NEB: variants seen among roughly 807,000 people sequenced by gnomAD.
The protein encoded by NEB is nebulin.
A neutral mutation model predicts 952.2 loss-of-function variants in NEB; 512 were observed. The ratio of observed to expected loss-of-function variants is 0.54; its 90% CI spans 0.50 to 0.58. NEB has a LOEUF of 0.58. Ranked by LOEUF, NEB falls within the 20% of genes least tolerant of loss-of-function variation. NEB has a pLI of 0.00. For synonymous variants in NEB, 2,900 were observed against 3,149.8 expected (o/e 0.92, Z 2.66); for missense variants, 8,428 against 9,231.1 (o/e 0.91, Z 3.56).
At position 151,610,584 on chromosome 2, in the gene NEB, C is replaced by A. The variant is rs771674212; in HGVS notation, c.11950G>T (p.Asp3984Tyr). Residue 3984 changes from aspartate to tyrosine, a missense_variant, in exon 80 of 182, where the codon GAC becomes TAC. Asp to Tyr is a radical substitution (Grantham distance 160, BLOSUM62 -3). Transcript: ENST00000397345. Reference sequence around the variant, plus strand: ...ATAGCATCTGCTCTCAGATCATAGTCCTTCATCTTTGATTCATCCCATCCC... The same window carrying A: ...ATAGCATCTGCTCTCAGATCATAGTACTTCATCTTTGATTCATCCCATCCC... ...TKGWDESKMKDYDLRADAISI... is the reference protein window; with the variant it reads ...TKGWDESKMKYYDLRADAISI... 6.2e-7 allele frequency: 1 copy of A among 1,613,746 alleles called. No homozygotes were observed. The highest frequency in any genetic ancestry group is 8.5e-7 in the Non-Finnish European group (1 of 1,179,664).
rs761918216 is a variant in NEB, at chr2:151,492,413, T to G, written c.24847A>C (p.Arg8283=). The G allele has an allele frequency of 1.9e-6, 3 of 1,609,134 alleles. No individual in the cohort carries two copies. Among genetic ancestry groups the G allele is most frequent in the Non-Finnish European group, 2.5e-6 (3 of 1,177,648 alleles). The change falls in exon 177 of 182, where the codon AGG becomes CGG. Residue 8283 remains arginine, a synonymous_variant. Transcript: ENST00000397345. ...GTTGAGATGTGCCGTTGGGTCTCCC[T>G]CACCCGTCTCATCTCGGGGGTATCC... ...VLDTPEMRRV[R]ETQRHISTVK...
chr2:151,526,970 G>C lies in NEB; in HGVS notation c.21893C>G (p.Thr7298Ser). The C allele has an allele frequency of 6.2e-7, 1 of 1,604,714 alleles. No homozygotes were observed. Among genetic ancestry groups the C allele is most frequent in the African/African-American group, 1.3e-5 (1 of 74,964 alleles). ...EFLKGCKLSV[T>S]DDKNTVLALR... is the part of the protein sequence containing the mutation. Reference sequence around the variant, plus strand: ...GGCGAGCACCGTGTTTTTGTCATCAGTGACAGAAAGCTTGCAACCCTTGAG... The same window carrying C: ...GGCGAGCACCGTGTTTTTGTCATCACTGACAGAAAGCTTGCAACCCTTGAG... Residue 7298 changes from threonine to serine, a missense_variant, in exon 148 of 182, where the codon ACT (threonine) becomes AGT (serine). Thr to Ser is a moderately conservative substitution (Grantham distance 58). Coordinates refer to ENST00000397345, the MANE Select transcript of NEB (RefSeq NM_001164508.2).
intron 70 of NEB, among the ~76,000 whole-genome samples, chr2:151,626,154 C>A (rs183754353): frequency 6.6e-6 from 1 of 151,484 alleles, no homozygotes; most frequent in Non-Finnish European, 1.5e-5. Context: ...CACTCTCTTG[C>A]CCAGGCTGGA....
intron 131 of NEB, 55 bp downstream of exon 131, chr2:151,548,253 A>C (rs2094948298): frequency 6.5e-6 from 9 of 1,391,366 alleles, no homozygotes; most frequent in Non-Finnish European, 3.1e-6. Flanking sequence ...CATTTCAAAC[A>C]AAGCCATGGC....
At chr2:151,695,707 G>T (rs756899490) in intron 17 of NEB, 25 bp from the exon 18 acceptor site, 11 of 1,519,818 alleles carry the variant, frequency 7.2e-6, no homozygotes, top group Non-Finnish European at 9.1e-6. Context: ...GAACCAATTA[G>T]TTCAGAAGAA....
chr2:151,519,197 C>G (rs1271585585), intron 154 of NEB, 128 bp from the exon 155 acceptor site: 3 of 703,330 alleles, frequency 4.3e-6, no homozygotes, highest in Non-Finnish European at 7.6e-6. Context: ...ATACCTCATT[C>G]ATAGTAGCCA....
intron 60 of NEB, among the ~76,000 whole-genome samples, chr2:151,642,115 A>G (rs1020302642): frequency 6.6e-6 from 1 of 152,242 alleles, no homozygotes; most frequent in East Asian, 1.9e-4. Flanking sequence ...TAAAGAAAGC[A>G]AATATTTGTA....
At chr2:151,682,895 G>A in intron 28 of NEB, 126 bp from the exon 29 acceptor site, 1 of 753,190 alleles carries the variant, frequency 1.3e-6, no homozygotes, top group Non-Finnish European at 2.1e-6. Flanking sequence ...AGACATTAAG[G>A]TTATTTTATA....
rs2099060105 is a variant in NEB at position 151,654,089 on chromosome 2, T to G, written c.6818A>C (p.Lys2273Thr). 1 of 1,598,980 alleles carries G rather than the reference T, an allele frequency of 6.3e-7. No homozygotes were observed. The highest frequency in any genetic ancestry group is 1.3e-5 in the African/African-American group (1 of 74,090). Reference sequence around the variant, plus strand: ...CTTCAAAGCTTCTTCCCATCCAAGTTTATAGAGTTTCTGAAAATTAAAGAT... The same window carrying G: ...CTTCAAAGCTTCTTCCCATCCAAGTGTATAGAGTTTCTGAAAATTAAAGAT... ...NQTLYSQKLY[K>T]LGWEEALKKG... The change falls in exon 52 of 182, where the codon AAA becomes ACA. Residue 2273 changes from lysine (K) to threonine (T), a missense_variant. Lys to Thr is a moderately conservative substitution (Grantham distance 78). Transcript: ENST00000397345.
chr2:151,548,433 G>A lies in NEB; in HGVS notation c.20050-18C>T. The A allele has an allele frequency of 6.7e-7, 1 of 1,499,864 alleles. No individual in the cohort carries two copies. 92.9% of individuals were successfully genotyped at this position (1,499,864 alleles called of 1,614,324 possible). ...TACTTGAACTGCAAAAGCAAAGTCA[G>A]AATGAGATCAATGATGGGTAAACAA... On this transcript the variant is annotated intron_variant, in intron 130 of 181. Transcript: ENST00000397345.
At chr2:151,625,410 T>C in intron 71 of NEB, 124 bp downstream of exon 71, 1 of 579,142 alleles carries the variant, frequency 1.7e-6, no homozygotes, top group Non-Finnish European at 2.9e-6. Flanking sequence ...CAAGGTAGGG[T>C]AAATGGCATA....
In NEB at chr2:151,637,306, A is replaced by C. The variant is rs529570242; in HGVS notation, c.8995-972T>G. 2.6e-5 allele frequency among the ~76,000 whole-genome samples: 4 copies of C among 152,298 alleles called. No homozygotes were observed. The South Asian group carries it at 8.3e-4, about 32-fold the overall frequency. On this transcript the variant is annotated intron_variant, in intron 63 of 181. Coordinates refer to ENST00000397345, the MANE Select transcript of NEB (RefSeq NM_001164508.2). ...AGTTTCAGTAGACTAAGGTGGCATC[A>C]AGTGCAGAGGAAATCACGTGAATCA...
At position 151,490,254 on chromosome 2, in the gene NEB, C is replaced by T. The variant is rs1012504822; in HGVS notation, c.25297+118G>A. On this transcript the variant is annotated intron_variant, in intron 180 of 181. Transcript: ENST00000397345. ...GCCCTCCACAATTCTAGTCTTTTCT[C>T]ATTAAAGGAAAGGATGAAAAATTTT... 5.3e-6 allele frequency: 7 copies of T among 1,326,016 alleles called. No homozygotes were observed. The Admixed American group carries it at 1.5e-4, about 28-fold the overall frequency. The allele number at this position is 1,326,016 out of a possible 1,614,324, so 82.1% of individuals were successfully genotyped here.
At chr2:151,570,474 A>G (rs1326959690) in intron 108 of NEB, 23 bp downstream of exon 108, 2 of 1,575,748 alleles carry the variant, frequency 1.3e-6, no homozygotes, top group Non-Finnish European at 8.6e-7. Context: ...AAAAAAACTG[A>G]GAAGTTAAAA....
At position 151,619,446 on chromosome 2, in the gene NEB, C is replaced by G. The variant is rs747230349; in HGVS notation, c.10872+5G>C. 1.3e-6 allele frequency: 2 copies of G among 1,586,316 alleles called. No homozygotes were observed. On this transcript the variant is annotated splice_donor_5th_base_variant and intron_variant, in intron 73 of 181. Coordinates refer to ENST00000397345, the MANE Select transcript of NEB (RefSeq NM_001164508.2). ...ACATGCAGAGCTAACATCAAGGAAA[C>G]TTACGTCACTCTGGAGGTCATAGGC...
rs574103523 is a variant in NEB at position 151,542,078 on chromosome 2, A to T, written c.20578-527T>A. On this transcript the variant is annotated intron_variant, in intron 135 of 181. Coordinates refer to ENST00000397345, the MANE Select transcript of NEB (RefSeq NM_001164508.2). ...CATCAGTGAAGTCACACTCATTGAGACTACCAAGAACTTCATGATTGCCAT... is the reference window on the plus strand; with the variant it reads ...CATCAGTGAAGTCACACTCATTGAGTCTACCAAGAACTTCATGATTGCCAT... Among the ~76,000 whole-genome samples the T allele has an allele frequency of 2.5e-4, 38 of 152,312 alleles. 1 individual carries two copies. Among genetic ancestry groups the T allele is most frequent in the Middle Eastern group, 3.4e-3 (1 of 294 alleles).
chr2:151,554,281 C>T (rs576645878), intron 125 of NEB, among the ~76,000 whole-genome samples: 3 of 152,238 alleles, frequency 2.0e-5, no homozygotes, highest in African/African-American at 7.2e-5. Context: ...AATGTTCAGG[C>T]TGGGCATGAT....
intron 83 of NEB, 123 bp downstream of exon 83, chr2:151,607,381 G>C: frequency 2.1e-6 from 1 of 467,116 alleles, no homozygotes; most frequent in East Asian, 4.8e-5. Context: ...TAGCTAAAGA[G>C]AAAATGTCTA....
At position 151,674,505 on chromosome 2, in the gene NEB, G is replaced by A; in HGVS notation, c.3959C>T (p.Ala1320Val). The change falls in exon 36 of 182, where the codon GCC (alanine) becomes GTC (valine). Residue 1320 changes from alanine to valine, a missense_variant. Ala to Val is a moderately conservative substitution (Grantham distance 64, BLOSUM62 0). Around this residue, in one of 11 missense-constraint regions of NEB, gnomAD observed 2,851 missense variants for 2,791.5 expected, o/e 1.02. Coordinates refer to ENST00000397345, the MANE Select transcript of NEB (RefSeq NM_001164508.2). ...VLGDAIPITA[A>V]KASRNIASDY... ...ACTGGCAATGTTTCTCGATGCCTTG[G>A]CTGCAGTGATGGGAATAGCATCGCC... The A allele has an allele frequency of 1.2e-6, 2 of 1,613,932 alleles. No homozygotes were observed. The highest frequency in any genetic ancestry group is 1.1e-5 in the South Asian group (1 of 91,082).
Sources: gnomAD v4.1 joint callset for allele counts (sites outside exome capture counted in the v4.1 genomes callset) on GRCh38, gnomAD v4.1.1 for gene constraint, gnomAD v4.1.1 regional missense constraint, MANE v1.5 for transcripts, NCBI Gene and HGNC (gene_info 2026-07-23, HGNC 2026-07-21) for gene names.